Variants in DENND1A observed in about 807,000 individuals in gnomAD.
DENND1A encodes DENN domain-containing protein 1A.
DENND1A carries 51 observed loss-of-function variants against 113.7 expected under a neutral mutation model. That is an observed-to-expected ratio of 0.45 (90% confidence interval 0.36 to 0.57). The LOEUF (loss-of-function observed/expected upper bound fraction) is 0.57, where lower values mean the gene tolerates loss of function less well. Ranked by LOEUF, DENND1A falls within the 20% of genes least tolerant of loss-of-function variation. The pLI, the probability that DENND1A is intolerant of heterozygous loss-of-function variation, is 0.00. For missense variants in DENND1A, 1,258 were observed against 1,395.9 expected (o/e 0.90, Z 1.57); for synonymous variants, 565 against 570.8 (o/e 0.99, Z 0.14).
chr9:123,829,616 G>A (rs1300378473), intron 2 of DENND1A, among the ~76,000 whole-genome samples: 1 of 151,750 alleles, frequency 6.6e-6, no homozygotes, highest in Non-Finnish European at 1.5e-5. Context: ...ATAATAAAAG[G>A]CAAAAGAAGA....
chr9:123,580,149 C>A (rs1416420245), intron 12 of DENND1A, among the ~76,000 whole-genome samples: 1 of 152,182 alleles, frequency 6.6e-6, no homozygotes, highest in Non-Finnish European at 1.5e-5. Context: ...TAGCTGTTTG[C>A]CATAATAATC....
At chr9:123,899,837 T>A (rs914249289) in intron 1 of DENND1A, among the ~76,000 whole-genome samples, 5 of 152,208 alleles carry the variant, frequency 3.3e-5, no homozygotes, top group African/African-American at 9.6e-5. Context: ...AGTAGGCCAT[T>A]GGGACACTAT....
chr9:123,790,238 T>C (rs1832799257), intron 3 of DENND1A, among the ~76,000 whole-genome samples: 1 of 152,148 alleles, frequency 6.6e-6, no homozygotes, highest in African/African-American at 2.4e-5. Flanking sequence ...GATTACAACC[T>C]AAATGATAAA....
At position 123,381,362 on chromosome 9, in the gene DENND1A, G is replaced by A. The variant is rs967069642; in HGVS notation, c.*70C>T. On this transcript the variant is annotated 3_prime_UTR_variant, in exon 24 of 24. Coordinates refer to ENST00000394215, the MANE Select transcript of DENND1A (RefSeq NM_001352964.2). The surrounding 1 kb of genome is among the most constrained non-coding windows in gnomAD (Gnocchi z 4.7). ...AACCTGGGCAGAGAGAGAGTGGCGGGGGAGCCTCGGAACCGCAGCAGTGGA... is the reference window on the plus strand; with the variant it reads ...AACCTGGGCAGAGAGAGAGTGGCGGAGGAGCCTCGGAACCGCAGCAGTGGA... The A allele has an allele frequency of 1.5e-5, 21 of 1,404,546 alleles. No homozygotes were observed. The East Asian group carries it at 5.2e-4, about 35-fold the overall frequency. The allele number at this position is 1,404,546 out of a possible 1,614,324, so 87.0% of individuals were successfully genotyped here.
At chr9:123,780,211 T>C (rs2131824598) in intron 3 of DENND1A, among the ~76,000 whole-genome samples, 1 of 152,276 alleles carries the variant, frequency 6.6e-6, no homozygotes, top group Admixed American at 6.5e-5. Context: ...CCAGGAGGAC[T>C]TAGAGGCTAT....
intron 19 of DENND1A, among the ~76,000 whole-genome samples, chr9:123,419,993 G>A (rs1022881684): frequency 6.6e-6 from 1 of 152,216 alleles, no homozygotes; most frequent in African/African-American, 2.4e-5. Context: ...ACTCAGCGGG[G>A]CACCCAGAGG....
intron 1 of DENND1A, among the ~76,000 whole-genome samples, chr9:123,897,108 A>C (rs1330131074): frequency 6.6e-6 from 1 of 152,136 alleles, no homozygotes; most frequent in Non-Finnish European, 1.5e-5. Context: ...TAACAGGCAC[A>C]CTCCACCCTG....
intron 4 of DENND1A, among the ~76,000 whole-genome samples, chr9:123,760,223 T>C (rs2070921450): frequency 6.6e-6 from 1 of 152,226 alleles, no homozygotes; most frequent in Admixed American, 6.5e-5. Flanking sequence ...ACCAAGCTTT[T>C]TCCAAAGGTA....
At chr9:123,454,593 T>A in intron 16 of DENND1A, 146 bp downstream of exon 16, 1 of 826,920 alleles carries the variant, frequency 1.2e-6, no homozygotes, top group East Asian at 2.7e-5. Context: ...CCATCTGGCA[T>A]GAGAAGAGCC....
chr9:123,608,751 T>C (rs2060281126), intron 11 of DENND1A, among the ~76,000 whole-genome samples: 1 of 152,194 alleles, frequency 6.6e-6, no homozygotes, highest in African/African-American at 2.4e-5. Context: ...CTATTTATAA[T>C]AGTGAAAAAT....
intron 2 of DENND1A, among the ~76,000 whole-genome samples, chr9:123,856,733 G>T (rs1274212035): frequency 6.6e-6 from 1 of 152,038 alleles, no homozygotes; most frequent in Non-Finnish European, 1.5e-5. Context: ...TGGATGAGGT[G>T]GGCATTCAGG....
Position 123,928,713 on chromosome 9 carries a change from G to T in DENND1A, c.17+1176C>A, listed in dbSNP as rs532293668. 5.2e-4 allele frequency: 513 copies of T among 985,390 alleles called. 3 individuals carry two copies. The highest frequency in any genetic ancestry group is 4.6e-3 in the South Asian group (97 of 21,292). 61.0% of individuals were successfully genotyped at this position (985,390 alleles called of 1,614,324 possible). A position where few individuals can be genotyped will look rare whatever the true frequency, so the allele number is the denominator to read the frequency against. On this transcript the variant is annotated intron_variant, in intron 1 of 23. Transcript: ENST00000394215. ...CGGGGGACTGCAAGGCTGGGCAAGG[G>T]TCACACTGCACGGGCATCACCTGGA... is the stretch of plus-strand genomic sequence containing the variant.
chr9:123,520,352 G>A (rs2054296735), intron 13 of DENND1A, among the ~76,000 whole-genome samples: 1 of 152,042 alleles, frequency 6.6e-6, no homozygotes, highest in Admixed American at 6.5e-5. Context: ...TCAGCTACTC[G>A]GGAGGCTGAG....
At chr9:123,911,382 T>C (rs1853927722) in intron 1 of DENND1A, among the ~76,000 whole-genome samples, 1 of 152,210 alleles carries the variant, frequency 6.6e-6, no homozygotes, top group African/African-American at 2.4e-5. Flanking sequence ...GCTAAACATA[T>C]TTATAAATTT....
At chr9:123,532,187 G>T (rs1307776340) in intron 13 of DENND1A, among the ~76,000 whole-genome samples, 1 of 152,178 alleles carries the variant, frequency 6.6e-6, no homozygotes, top group African/African-American at 2.4e-5. Context: ...ACATTGTGTT[G>T]TCAAAACAGG....
intron 13 of DENND1A, among the ~76,000 whole-genome samples, chr9:123,519,697 T>A (rs575421202): frequency 2.0e-5 from 3 of 152,160 alleles, no homozygotes; most frequent in African/African-American, 7.2e-5. Flanking sequence ...TGATTACAGA[T>A]GTGAGCCACC....
chr9:123,754,497 C>T (rs1013328397), intron 5 of DENND1A, among the ~76,000 whole-genome samples: 1 of 152,196 alleles, frequency 6.6e-6, no homozygotes, highest in Admixed American at 6.5e-5. Flanking sequence ...TTTTTAGCCA[C>T]AGTCACTATC....
intron 13 of DENND1A, among the ~76,000 whole-genome samples, chr9:123,479,328 C>T (rs996686756): frequency 6.6e-6 from 1 of 152,210 alleles, no homozygotes; most frequent in Non-Finnish European, 1.5e-5. Context: ...ACTGACATCC[C>T]AGGATCACTC....
At position 123,457,820 on chromosome 9, in the gene DENND1A, G is replaced by A. The variant is rs200116116; in HGVS notation, c.1071C>T (p.Asn357=). ...RSGAMRQFLQ[N]ATQLQLFKQF... ...GCTTGAAGAGCTGCAGCTGTGTGGC[G>A]TTCTGCAGGAACTGCCTCATGGCTC... Residue 357 remains asparagine, a synonymous_variant, in exon 14 of 24, where the codon AAC becomes AAT. Coordinates refer to ENST00000394215, the MANE Select transcript of DENND1A (RefSeq NM_001352964.2). 4.1e-5 allele frequency: 66 copies of A among 1,612,168 alleles called. No homozygotes were observed. In the South Asian group the frequency reaches 5.2e-4, roughly 13 times the overall value.
Sources: gnomAD v4.1 joint callset for allele counts (sites outside exome capture counted in the v4.1 genomes callset) on GRCh38, gnomAD v4.1.1 for gene constraint, Gnocchi (gnomAD v3.1) non-coding constraint, MANE v1.5 for transcripts, NCBI Gene and HGNC (gene_info 2026-07-23, HGNC 2026-07-21) for gene names.